SLC14A2: variants seen among roughly 807,000 people sequenced by gnomAD.
SLC14A2 encodes the protein urea transporter 2.
Under a neutral mutation model 104.6 loss-of-function variants are expected in SLC14A2, and 91 were observed. The ratio of observed to expected loss-of-function variants is 0.87; its 90% CI spans 0.73 to 1.04. The LOEUF (loss-of-function observed/expected upper bound fraction) is 1.04. Among genes scored for constraint, SLC14A2 ranks in the 50% least tolerant of loss-of-function variants. The pLI, the probability that SLC14A2 is intolerant of heterozygous loss-of-function variation, is 0.00. For synonymous variants in SLC14A2, 476 were observed against 466.4 expected (o/e 1.02, Z -0.27); for missense variants, 1,189 against 1,156.0 (o/e 1.03, Z -0.41).
chr18:45,530,491 A>T (rs2043666716), intron 2 of SLC14A2, among the ~76,000 whole-genome samples: 1 of 151,980 alleles, frequency 6.6e-6, no homozygotes, highest in African/African-American at 2.4e-5. Context: ...TATCAGCTTC[A>T]TTTCTTCCTA....
chr18:45,331,482 G>C (rs1003181857), intron 1 of SLC14A2, among the ~76,000 whole-genome samples: 1 of 151,838 alleles, frequency 6.6e-6, no homozygotes, highest in Non-Finnish European at 1.5e-5. Context: ...ACAAGGTCAG[G>C]AGATCGAGAC....
At chr18:45,278,888 T>G (rs904307359) in intron 1 of SLC14A2, among the ~76,000 whole-genome samples, 1 of 152,216 alleles carries the variant, frequency 6.6e-6, no homozygotes, top group Non-Finnish European at 1.5e-5. Flanking sequence ...TAACTGGTGC[T>G]TACCACTGCA....
At chr18:45,498,319 T>G (rs1451883124) in intron 2 of SLC14A2, among the ~76,000 whole-genome samples, 1 of 152,142 alleles carries the variant, frequency 6.6e-6, no homozygotes, top group African/African-American at 2.4e-5. Context: ...AAGAGTTCTG[T>G]GAGGCTGAGA....
intron 2 of SLC14A2, among the ~76,000 whole-genome samples, chr18:45,520,056 T>G (rs12960186): frequency 6.6e-6 from 1 of 152,212 alleles, no homozygotes; most frequent in African/African-American, 2.4e-5. Context: ...CCAATGGGCA[T>G]GTCTTGTACG....
intron 1 of SLC14A2, among the ~76,000 whole-genome samples, chr18:45,224,250 G>A (rs952692502): frequency 1.3e-5 from 2 of 152,238 alleles, no homozygotes; most frequent in African/African-American, 4.8e-5. Context: ...GGGAGGCAGA[G>A]AGATGCGAAA....
chr18:45,257,381 T>G (rs2084490444), intron 1 of SLC14A2, among the ~76,000 whole-genome samples: 1 of 152,240 alleles, frequency 6.6e-6, no homozygotes, highest in Non-Finnish European at 1.5e-5. Flanking sequence ...ATGAGACACA[T>G]GTAATCCTAA....
In SLC14A2 at chr18:45,674,915, G is replaced by A. The variant is rs558085456; in HGVS notation, c.2512+1098G>A. The stretch of plus-strand genomic sequence containing the variant: ...GGCCACTTGAAATTTTGCACCCCAG[G>A]TGCTTCACTCACCTCCCCAAGTCCC... On this transcript the variant is annotated intron_variant, in intron 18 of 19. Transcript: ENST00000255226. Among the ~76,000 whole-genome samples the A allele has an allele frequency of 2.6e-5, 4 of 152,288 alleles. No individual in the cohort carries two copies. The South Asian group carries it at 8.3e-4, about 32-fold the overall frequency.
chr18:45,205,036 C>T, the SLC14A2 span, among the ~76,000 whole-genome samples: 1 of 152,174 alleles, frequency 6.6e-6, no homozygotes, highest in Non-Finnish European at 1.5e-5. Context: ...TATTAAGGCA[C>T]AATTATGTGC....
intron 19 of SLC14A2, 40 bp downstream of exon 19, chr18:45,679,064 T>A (rs2046274032): frequency 6.3e-7 from 1 of 1,597,206 alleles, no homozygotes; most frequent in Admixed American, 1.7e-5. Context: ...ACAACATCCT[T>A]CCTGGTGTCC....
chr18:45,258,144 C>CCTAGAGGAG (rs1380292868), intron 1 of SLC14A2, among the ~76,000 whole-genome samples: 3 of 145,026 alleles, frequency 2.1e-5, no homozygotes, highest in Admixed American at 6.7e-5. Flanking sequence ...AGGCATAAAT[C>CCTAGAGGAG]ACTTTTCCAA....
At chr18:45,447,541 C>T (rs756866203) in intron 1 of SLC14A2, 3 of 152,180 alleles carry the variant, frequency 2.0e-5, no homozygotes, top group South Asian at 2.1e-4. Context: ...TCCTATCAGT[C>T]GACCATCTGT....
chr18:45,311,318 T>C (rs960135694), intron 1 of SLC14A2, among the ~76,000 whole-genome samples: 2 of 152,232 alleles, frequency 1.3e-5, no homozygotes, highest in Admixed American at 6.5e-5. Flanking sequence ...GTCTAGTCTC[T>C]ACACACTCTA....
chr18:45,657,483 T>C (rs1269827974), intron 10 of SLC14A2, among the ~76,000 whole-genome samples: 1 of 112,430 alleles, frequency 8.9e-6, no homozygotes, highest in Non-Finnish European at 1.7e-5. Flanking sequence ...CGAGACTGTG[T>C]CAAGGAAAAA....
chr18:45,225,787 G>C (rs1468224591), intron 1 of SLC14A2, among the ~76,000 whole-genome samples: 1 of 152,078 alleles, frequency 6.6e-6, no homozygotes. Context: ...TTGGCTCTCT[G>C]TTTGTCTGTT....
chr18:45,234,548 C>T lies in SLC14A2; in HGVS notation c.-125+21357C>T, dbSNP rs140315619. On this transcript the variant is annotated intron_variant, in intron 1 of 20. Coordinates refer to the SLC14A2 transcript ENST00000586448. Reference sequence around the variant, plus strand: ...ATCACTCAAAATTTTGGAGGTAAAGCTAAAGACCAGCAATTATTTAAGTGG... The same window carrying T: ...ATCACTCAAAATTTTGGAGGTAAAGTTAAAGACCAGCAATTATTTAAGTGG... 2.1e-3 allele frequency among the ~76,000 whole-genome samples: 315 copies of T among 152,288 alleles called. 2 individuals are homozygous for T. Among genetic ancestry groups the T allele is most frequent in the African/African-American group, 7.2e-3 (301 of 41,566 alleles).
chr18:45,605,080 A>G (rs1026834530), intron 2 of SLC14A2, among the ~76,000 whole-genome samples: 2 of 152,158 alleles, frequency 1.3e-5, no homozygotes, highest in African/African-American at 4.8e-5. Flanking sequence ...TTGATAACCA[A>G]TAGGAAGCAC....
At chr18:45,541,171 G>C (rs1207131850) in intron 2 of SLC14A2, among the ~76,000 whole-genome samples, 3 of 152,148 alleles carry the variant, frequency 2.0e-5, no homozygotes, top group African/African-American at 7.2e-5. Context: ...TTGTCTTCTT[G>C]CCAGTGGTTC....
At chr18:45,267,358 C>G (rs77404643) in intron 1 of SLC14A2, among the ~76,000 whole-genome samples, 8,325 of 152,136 alleles carry the variant, frequency 0.055, 257 homozygotes, top group South Asian at 0.067. Context: ...TTTCTGAGCT[C>G]CCACCCTTCT....
chr18:45,170,168 G>C, the SLC14A2 span, among the ~76,000 whole-genome samples: 1 of 151,344 alleles, frequency 6.6e-6, no homozygotes, highest in Non-Finnish European at 1.5e-5. Context: ...GAGCATTGTT[G>C]CATAGACCTG....
Sources: allele counts gnomAD v4.1 joint callset (sites outside exome capture counted in the v4.1 genomes callset), GRCh38; gene constraint gnomAD v4.1.1; transcripts MANE v1.5; gene names NCBI Gene and HGNC (gene_info 2026-07-23, HGNC 2026-07-21).